WDR72: variants seen among roughly 807,000 people sequenced by gnomAD.
The protein encoded by WDR72 is WD repeat-containing protein 72.
A neutral mutation model predicts 124.2 loss-of-function variants in WDR72; 120 were observed. The ratio of observed to expected loss-of-function variants is 0.97; its 90% confidence interval spans 0.83 to 1.12. The LOEUF is 1.12. Among genes scored for constraint, WDR72 ranks in the 50% most tolerant of loss-of-function variants. The pLI is 0.00. For missense variants in WDR72, 1,387 were observed against 1,278.8 expected (o/e 1.08, Z -1.29); for synonymous variants, 452 against 441.7 (o/e 1.02, Z -0.29).
Position 53,705,902 on chromosome 15 carries a change from TTAC to T in WDR72, c.1102+22_1102+24del, listed in dbSNP as rs762221757. The T allele has an allele frequency of 7.4e-6, 12 of 1,613,702 alleles. No individual in the cohort carries two copies. The South Asian group carries it at 1.2e-4, about 16-fold the overall frequency. On this transcript the variant is annotated intron_variant, in intron 10 of 19. Transcript: ENST00000360509. ...TACAAATTCATTCTCAGAAGACATG[TTAC>T]TAGAAAAGGAAACTGACTTACCTCT...
intron 11 of WDR72, among the ~76,000 whole-genome samples, chr15:53,703,999 T>C (rs1172355440): frequency 6.6e-6 from 1 of 152,174 alleles, no homozygotes. Context: ...GGCAGCCATT[T>C]AGCTGTATAC....
At chr15:53,533,089 A>G (rs1257938799) in intron 18 of WDR72, among the ~76,000 whole-genome samples, 2 of 152,054 alleles carry the variant, frequency 1.3e-5, no homozygotes, top group African/African-American at 4.8e-5. Flanking sequence ...CAATCAACCA[A>G]CCACAAGGAA....
At chr15:53,733,289 G>A (rs938483123) in intron 1 of WDR72, 128 bp from the exon 2 acceptor site, 5 of 1,018,006 alleles carry the variant, frequency 4.9e-6, no homozygotes, top group Non-Finnish European at 4.4e-6. Flanking sequence ...TATGGAAAAG[G>A]GTGTTTCCCC....
rs1489844295 is a variant in WDR72, at chr15:53,712,780, A to G, written c.703T>C (p.Cys235Arg). 1.2e-6 allele frequency: 2 copies of G among 1,612,812 alleles called. No homozygotes were observed. Reference protein sequence around the residue: ...ERLLLVVFSKCWKVYDYCDFS... With the variant: ...ERLLLVVFSKRWKVYDYCDFS... ...ATGTTACTTTATAATACCTTCCAACATTTAGAAAATACCACCAATAGAAGT... is the reference window on the plus strand; with the variant it reads ...ATGTTACTTTATAATACCTTCCAACGTTTAGAAAATACCACCAATAGAAGT... Residue 235 changes from cysteine to arginine, a missense_variant, in exon 7 of 20, where the codon TGT (cysteine) becomes CGT (arginine). Transcript: ENST00000360509.
At chr15:53,610,072 T>C (rs1333484283) in intron 16 of WDR72, among the ~76,000 whole-genome samples, 1 of 152,086 alleles carries the variant, frequency 6.6e-6, no homozygotes, top group African/African-American at 2.4e-5. Flanking sequence ...AAGACTTCCT[T>C]TGATTTGTCC....
At position 53,515,148 on chromosome 15, in the gene WDR72, A is replaced by ACTT. The variant is rs1891393810; in HGVS notation, c.*2550_*2551insAAG. 8.4e-6 allele frequency: 1 copy of ACTT among 119,320 alleles called. No individual in the cohort carries two copies. The highest frequency in any genetic ancestry group is 1.9e-5 in the Non-Finnish European group (1 of 51,462). 7.4% of individuals were successfully genotyped at this position (119,320 alleles called of 1,614,324 possible). A position where few individuals can be genotyped will look rare whatever the true frequency, so the allele number is the denominator to read the frequency against. Reference sequence around the variant, plus strand: ...ATCACCAAGATGATTACCAAAAAAGAAACACAAGACAAAATTTTTAAATAA... The same window carrying ACTT: ...ATCACCAAGATGATTACCAAAAAAGACTTAACACAAGACAAAATTTTTAAATAA... On this transcript the variant is annotated 3_prime_UTR_variant, in exon 20 of 20. Transcript: ENST00000360509.
chr15:53,589,037 C>G (rs889024761), intron 18 of WDR72, among the ~76,000 whole-genome samples: 2 of 151,868 alleles, frequency 1.3e-5, no homozygotes, highest in Non-Finnish European at 2.9e-5. Flanking sequence ...TTAGAAACTT[C>G]TGTGGATAAA....
chr15:53,676,197 G>A (rs570147925), intron 13 of WDR72, among the ~76,000 whole-genome samples: 2 of 152,230 alleles, frequency 1.3e-5, no homozygotes, highest in African/African-American at 4.8e-5. Context: ...TGTCCTACCT[G>A]ACCACTAATG....
At chr15:53,722,780 A>T in intron 3 of WDR72, 22 bp downstream of exon 3, 1 of 1,604,370 alleles carries the variant, frequency 6.2e-7, no homozygotes, top group Non-Finnish European at 8.5e-7. Flanking sequence ...AGAAGGGGAC[A>T]AAGTTTACAT....
intron 9 of WDR72, among the ~76,000 whole-genome samples, chr15:53,708,279 C>T (rs1278887206): frequency 6.6e-6 from 1 of 152,152 alleles, no homozygotes; most frequent in Non-Finnish European, 1.5e-5. Context: ...CCTGGCTTTA[C>T]CACATCCTAG....
chr15:53,705,075 A>G lies in WDR72; in HGVS notation c.1261T>C (p.Cys421Arg), dbSNP rs1187127400. 6.2e-7 allele frequency: 1 copy of G among 1,613,958 alleles called. No individual in the cohort carries two copies. Among genetic ancestry groups the G allele is most frequent in the Non-Finnish European group, 8.5e-7 (1 of 1,180,012 alleles). ...EYIPSLDKLI[C>R]GCEDGTIIIT... is the part of the protein sequence containing the mutation. ...ATAATTGTCCCATCTTCACAGCCAC[A>G]TATTAGTTTATCAAGACTTGGAATA... Residue 421 changes from cysteine (C) to arginine (R), a missense_variant, in exon 11 of 20, where the codon TGT becomes CGT. Cys to Arg is a radical substitution (Grantham distance 180). Transcript: ENST00000360509.
chr15:53,630,438 A>G (rs1276385784), intron 14 of WDR72, among the ~76,000 whole-genome samples: 1 of 152,214 alleles, frequency 6.6e-6, no homozygotes, highest in African/African-American at 2.4e-5. Context: ...AATAACCCTT[A>G]TAACTATAGA....
intron 13 of WDR72, among the ~76,000 whole-genome samples, chr15:53,672,433 AG>A (rs1263989905): frequency 3.9e-5 from 6 of 152,188 alleles, no homozygotes; most frequent in Admixed American, 3.9e-4. Flanking sequence ...GCTGTAAATC[AG>A]TATGTTGCTA....
intron 9 of WDR72, among the ~76,000 whole-genome samples, chr15:53,707,594 C>T (rs1023240813): frequency 3.3e-5 from 5 of 152,064 alleles, no homozygotes; most frequent in Non-Finnish European, 5.9e-5. Context: ...CTACAGGCGC[C>T]CGCCACCACG....
Position 53,711,239 on chromosome 15 carries a change from T to A in WDR72, c.857+97A>T, listed in dbSNP as rs548230074. The stretch of plus-strand genomic sequence containing the variant: ...TGCCAAAGTTGTTTTGTTCTGGTTT[T>A]TGATCATGGGCAGCATGCAGGGATT... On this transcript the variant is annotated intron_variant, in intron 8 of 19. Transcript: ENST00000360509. The A allele has an allele frequency of 2.3e-5, 36 of 1,574,802 alleles. No individual in the cohort carries two copies. The African/African-American group carries it at 4.4e-4, about 19-fold the overall frequency.
At chr15:53,753,292 G>A (rs1228408455) in intron 1 of WDR72, among the ~76,000 whole-genome samples, 1 of 152,170 alleles carries the variant, frequency 6.6e-6, no homozygotes, top group Non-Finnish European at 1.5e-5. Flanking sequence ...AGAAATACAG[G>A]CCTATATGGA....
At chr15:53,593,637 C>T (rs1442629811) in intron 18 of WDR72, among the ~76,000 whole-genome samples, 1 of 151,786 alleles carries the variant, frequency 6.6e-6, no homozygotes, top group Non-Finnish European at 1.5e-5. Context: ...TGGTACACAT[C>T]TGTAGTCCCA....
chr15:53,653,084 C>G (rs548140386), intron 14 of WDR72, among the ~76,000 whole-genome samples: 1 of 152,020 alleles, frequency 6.6e-6, no homozygotes, highest in Non-Finnish European at 1.5e-5. Flanking sequence ...AATTGGGTGG[C>G]GAAATAAATA....
intron 3 of WDR72, among the ~76,000 whole-genome samples, chr15:53,719,554 T>A (rs866412486): frequency 5.9e-5 from 9 of 152,286 alleles, no homozygotes; most frequent in African/African-American, 2.2e-4. Flanking sequence ...AAGCATAGCA[T>A]CTTCTCTCTT....
Sources: gnomAD v4.1 joint callset for allele counts (sites outside exome capture counted in the v4.1 genomes callset) on GRCh38, gnomAD v4.1.1 for gene constraint, MANE v1.5 for transcripts, NCBI Gene and HGNC (gene_info 2026-07-23, HGNC 2026-07-21) for gene names.